MSRA: variants seen among roughly 807,000 people sequenced by gnomAD.
MSRA encodes mitochondrial peptide methionine sulfoxide reductase.
In MSRA, 54 loss-of-function variants were observed where a neutral mutation model predicts 31.3. That is an observed-to-expected ratio of 1.73 (90% confidence interval 1.39 to 2.17). The LOEUF (loss-of-function observed/expected upper bound fraction) is 2.17, where lower values mean the gene tolerates loss of function less well. Ranked by LOEUF, MSRA falls within the 30% of genes most tolerant of loss-of-function variation. The pLI is 0.00. For synonymous variants in MSRA, 169 were observed against 116.5 expected, an observed-to-expected ratio of 1.45 and a Z score of -2.90; for missense variants, 507 against 300.9, an observed-to-expected ratio of 1.69 and a Z score of -5.07.
chr8:10,379,333 G>A (rs921749040), intron 5 of MSRA, among the ~76,000 whole-genome samples: 2 of 151,940 alleles, frequency 1.3e-5, no homozygotes, highest in Non-Finnish European at 2.9e-5. Flanking sequence ...AGCCAGCCCA[G>A]AACAGATACA....
At position 10,250,013 on chromosome 8, in the gene MSRA, C is replaced by G. The variant is rs183437559; in HGVS notation, c.331+4790C>G. On this transcript the variant is annotated intron_variant, in intron 3 of 5. Coordinates refer to ENST00000317173, the MANE Select transcript of MSRA (RefSeq NM_012331.5). ...AAGGTTGGTTTTGATGTAAAGAATACTAGTTCCTGTCTTCCAGAATTTTCT... is the reference window on the plus strand; with the variant it reads ...AAGGTTGGTTTTGATGTAAAGAATAGTAGTTCCTGTCTTCCAGAATTTTCT... Among the ~76,000 whole-genome samples the G allele has an allele frequency of 2.2e-3, 336 of 152,314 alleles. 2 individuals carry two copies. Among genetic ancestry groups the G allele is most frequent in the Non-Finnish European group, 3.4e-3 (230 of 68,032 alleles).
intron 1 of MSRA, among the ~76,000 whole-genome samples, chr8:10,152,044 G>C (rs1264423593): frequency 6.6e-6 from 1 of 152,188 alleles, no homozygotes; most frequent in African/African-American, 2.4e-5. Flanking sequence ...TTATTTCAAT[G>C]TGTACACACC....
chr8:10,368,364 A>T (rs1563401584), intron 5 of MSRA, among the ~76,000 whole-genome samples: 2 of 152,272 alleles, frequency 1.3e-5, no homozygotes, highest in Non-Finnish European at 2.9e-5. Flanking sequence ...TGTGCAGATA[A>T]GATGGAGTGC....
At chr8:10,200,062 G>T (rs1025588218) in intron 1 of MSRA, among the ~76,000 whole-genome samples, 1 of 152,170 alleles carries the variant, frequency 6.6e-6, no homozygotes, top group African/African-American at 2.4e-5. Flanking sequence ...TTCTTCTGCA[G>T]AAAGAGCTGG....
At chr8:10,411,994 A>G (rs4357293) in intron 5 of MSRA, among the ~76,000 whole-genome samples, 151,435 of 152,364 alleles carry the variant, frequency 0.99, 75,261 homozygotes, top group East Asian at 1. Flanking sequence ...TTTTTATCAC[A>G]TTTCATAAAC....
intron 5 of MSRA, among the ~76,000 whole-genome samples, chr8:10,322,482 G>C (rs1286626997): frequency 6.6e-6 from 1 of 152,190 alleles, no homozygotes; most frequent in Non-Finnish European, 1.5e-5. Context: ...GTCATGGCTG[G>C]TGATTTTTTG....
intron 3 of MSRA, among the ~76,000 whole-genome samples, chr8:10,261,346 T>A (rs1404459337): frequency 1.4e-5 from 2 of 147,632 alleles, no homozygotes; most frequent in Non-Finnish European, 3.0e-5. Context: ...GTGAACAGGA[T>A]AAAATTGTTT....
At chr8:10,246,188 G>C (rs1010447963) in intron 3 of MSRA, among the ~76,000 whole-genome samples, 1 of 152,190 alleles carries the variant, frequency 6.6e-6, no homozygotes, top group Non-Finnish European at 1.5e-5. Flanking sequence ...AGTTACAAGA[G>C]TTGAGTGCTT....
chr8:10,186,263 T>C (rs1261888472), intron 1 of MSRA, among the ~76,000 whole-genome samples: 1 of 152,118 alleles, frequency 6.6e-6, no homozygotes, highest in East Asian at 1.9e-4. Context: ...GGCAAACATT[T>C]TCTATAAAGG....
intron 1 of MSRA, among the ~76,000 whole-genome samples, chr8:10,078,009 A>G (rs1051824177): frequency 2.6e-5 from 4 of 152,168 alleles, no homozygotes; most frequent in Non-Finnish European, 2.9e-5. Flanking sequence ...AGGTTTTGGG[A>G]TTTAAGCCCA....
chr8:10,141,436 G>A (rs565237776), intron 1 of MSRA, among the ~76,000 whole-genome samples: 11 of 152,134 alleles, frequency 7.2e-5, no homozygotes, highest in Non-Finnish European at 1.0e-4. Flanking sequence ...CAATGCACAA[G>A]ACATACATTG....
intron 2 of MSRA, among the ~76,000 whole-genome samples, chr8:10,224,216 C>T (rs1386104245): frequency 6.6e-6 from 1 of 152,188 alleles, no homozygotes; most frequent in East Asian, 1.9e-4. Flanking sequence ...CGTTCACCCA[C>T]TTAGCTATAA....
intron 1 of MSRA, among the ~76,000 whole-genome samples, chr8:10,109,573 C>A (rs1800132529): frequency 6.6e-6 from 1 of 152,130 alleles, no homozygotes; most frequent in Non-Finnish European, 1.5e-5. Flanking sequence ...AATTCCTGAA[C>A]TCAAGTGATC....
intron 1 of MSRA, among the ~76,000 whole-genome samples, chr8:10,174,617 G>A (rs1391925878): frequency 6.6e-6 from 1 of 152,052 alleles, no homozygotes; most frequent in Non-Finnish European, 1.5e-5. Flanking sequence ...CAGGCCCCCA[G>A]TCTCTGTTTT....
At chr8:10,157,666 G>A (rs1174954490) in intron 1 of MSRA, among the ~76,000 whole-genome samples, 1 of 151,990 alleles carries the variant, frequency 6.6e-6, no homozygotes, top group Non-Finnish European at 1.5e-5. Flanking sequence ...TATCAAATAT[G>A]AGAGTCAGAG....
intron 5 of MSRA, among the ~76,000 whole-genome samples, chr8:10,337,974 G>T (rs1437620552): frequency 6.6e-6 from 1 of 152,178 alleles, no homozygotes; most frequent in Admixed American, 6.5e-5. Flanking sequence ...GCCCAGGAAA[G>T]CAGGGGTTAG....
intron 1 of MSRA, chr8:10,095,843 G>A: frequency 8.0e-7 from 1 of 1,257,840 alleles, no homozygotes; most frequent in Non-Finnish European, 1.0e-6. Flanking sequence ...AGCTTCCATA[G>A]TGTCCATGCA....
At chr8:10,170,202 A>T (rs193221779) in intron 1 of MSRA, among the ~76,000 whole-genome samples, 33 of 151,802 alleles carry the variant, frequency 2.2e-4, no homozygotes, top group Non-Finnish European at 4.1e-4. Flanking sequence ...GGTATTTTCT[A>T]TATGGACAAT....
chr8:10,136,141 A>G (rs1261533849), intron 1 of MSRA, among the ~76,000 whole-genome samples: 2 of 152,192 alleles, frequency 1.3e-5, no homozygotes, highest in East Asian at 3.9e-4. Flanking sequence ...GTAACTTAGA[A>G]GTCAACTAAG....
Sources: allele counts gnomAD v4.1 joint callset (sites outside exome capture counted in the v4.1 genomes callset), GRCh38; gene constraint gnomAD v4.1.1; transcripts MANE v1.5; gene names NCBI Gene and HGNC (gene_info 2026-07-23, HGNC 2026-07-21).